COCH: variants seen among roughly 807,000 people sequenced by gnomAD.
The protein encoded by COCH is coagulation factor C homolog, cochlin (Limulus polyphemus).
Under a neutral mutation model 54.8 loss-of-function variants are expected in COCH, and 40 were observed. That is an observed-to-expected ratio of 0.73 (90% CI 0.57 to 0.95). The LOEUF (loss-of-function observed/expected upper bound fraction) is 0.95. COCH is among the 40% of genes least tolerant of loss of function. The probability of loss-of-function intolerance (pLI) is 0.00; values close to 1 mark genes in which losing one functional copy is unlikely to be tolerated. For synonymous variants in COCH, 256 were observed against 237.9 expected, an observed-to-expected ratio of 1.08 and a Z score of -0.70; for missense variants, 605 against 675.0, an observed-to-expected ratio of 0.90 and a Z score of 1.15.
At chr14:30,894,971 A>C, downstream of COCH, 1 of 1,023,766 alleles carries the variant, frequency 9.8e-7, no homozygotes, top group Non-Finnish European at 1.2e-6. Context: ...GATCACTAAG[A>C]GATGAAAAAA....
downstream of COCH, chr14:30,895,312 G>T: frequency 7.9e-7 from 1 of 1,266,890 alleles, no homozygotes; most frequent in Non-Finnish European, 1.1e-6. Context: ...TCACCAGGCA[G>T]ATCACATGTA....
intron 6 of COCH, 127 bp from the exon 7 acceptor site, chr14:30,880,325 G>A (rs1421483987): frequency 1.4e-5 from 20 of 1,403,980 alleles, no homozygotes; most frequent in Admixed American, 2.1e-5. Context: ...AAATCCTGAG[G>A]AAATTAATTT....
chr14:30,877,699 A>G lies in COCH; in HGVS notation c.210A>G (p.Val70=), dbSNP rs560972920. 6 of 1,614,090 alleles carry G rather than the reference A, an allele frequency of 3.7e-6. No individual in the cohort carries two copies. The highest frequency in any genetic ancestry group is 2.2e-5 in the South Asian group (2 of 91,086). ...SVYGNIVYAS[V]SSICGAAVHR... Reference sequence around the variant, plus strand: ...ATGGGAACATAGTATATGCTTCTGTATCGAGCATATGTGGGGCTGCTGTCC... The same window carrying G: ...ATGGGAACATAGTATATGCTTCTGTGTCGAGCATATGTGGGGCTGCTGTCC... Residue 70 remains valine, a synonymous_variant, in exon 4 of 12, where the codon GTA becomes GTG. Coordinates refer to ENST00000396618, the MANE Select transcript of COCH (RefSeq NM_004086.3). The surrounding 1 kb of genome is among the most constrained non-coding windows in gnomAD (Gnocchi z 8.6).
At position 30,886,153 on chromosome 14, in the gene COCH, A is replaced by G. The variant is rs748019236; in HGVS notation, c.1318A>G (p.Met440Val). ...VLAVIRNIRY[M>V]SGGTATGDAI... ...AGCTGTCATCAGAAACATCCGCTAT[A>G]TGAGTGGTGGAACAGCTACTGGTGA... Residue 440 changes from methionine (M) to valine (V), a missense_variant, in exon 11 of 12, where the codon ATG becomes GTG. By Grantham distance (21) the Met-to-Val change is conservative. Coordinates refer to ENST00000396618, the MANE Select transcript of COCH (RefSeq NM_004086.3). The G allele has an allele frequency of 3.7e-6, 6 of 1,611,964 alleles. No homozygotes were observed. Among genetic ancestry groups the G allele is most frequent in the Non-Finnish European group, 4.2e-6 (5 of 1,178,202 alleles).
In COCH at chr14:30,880,503, A is replaced by G. The variant is rs1191342667; in HGVS notation, c.481+7A>G. On this transcript the variant is annotated splice_region_variant and intron_variant, in intron 7 of 11. Transcript: ENST00000396618. ...AAGAAAACTGGCAATAAAGGTAAGAATCAAGATCTCCATTTGGGAAGGTAG... is the reference window on the plus strand; with the variant it reads ...AAGAAAACTGGCAATAAAGGTAAGAGTCAAGATCTCCATTTGGGAAGGTAG... The G allele has an allele frequency of 6.2e-7, 1 of 1,614,176 alleles. No homozygotes were observed. The highest frequency in any genetic ancestry group is 1.7e-5 in the Admixed American group (1 of 60,024).
At chr14:30,885,651 G>A in intron 10 of COCH, 31 bp downstream of exon 10, 1 of 1,480,556 alleles carries the variant, frequency 6.8e-7, no homozygotes, top group Non-Finnish European at 9.5e-7. Context: ...TTCTGTTACA[G>A]TGATGGGTAT....
downstream of COCH, among the ~76,000 whole-genome samples, chr14:30,891,066 C>G (rs1341323547): frequency 4.6e-5 from 7 of 151,696 alleles, no homozygotes; most frequent in Non-Finnish European, 1.5e-5. Context: ...TAAAAAGACA[C>G]AAGTTTATCG....
chr14:30,883,573 A>G (rs2138866333), intron 8 of COCH, among the ~76,000 whole-genome samples: 2 of 152,318 alleles, frequency 1.3e-5, no homozygotes, highest in Admixed American at 1.3e-4. Context: ...TTATGACCCA[A>G]TATTCCATCA....
chr14:30,893,309 G>A (rs961425536), downstream of COCH, among the ~76,000 whole-genome samples: 5 of 151,910 alleles, frequency 3.3e-5, no homozygotes, highest in East Asian at 1.9e-4. Flanking sequence ...ACCACGCCCG[G>A]CTAATTTTGT....
intron 4 of COCH, among the ~76,000 whole-genome samples, chr14:30,878,241 C>T (rs1488172031): frequency 3.3e-5 from 5 of 152,196 alleles, no homozygotes; most frequent in Non-Finnish European, 5.9e-5. Flanking sequence ...TTGTTTGGTG[C>T]TCTGAATTTC....
downstream of COCH, among the ~76,000 whole-genome samples, chr14:30,891,577 T>C (rs778704075): frequency 2.0e-5 from 3 of 152,276 alleles, no homozygotes; most frequent in Non-Finnish European, 2.9e-5. Flanking sequence ...CTGAATCATG[T>C]AACAGGGATA....
At chr14:30,894,580 C>T (rs1379414065), downstream of COCH, 2 of 153,072 alleles carry the variant, frequency 1.3e-5, no homozygotes, top group African/African-American at 2.4e-5. Flanking sequence ...TACTAAACCC[C>T]ACTGTTTCAT....
At chr14:30,886,404 A>G in intron 11 of COCH, 92 bp downstream of exon 11, 3 of 1,341,700 alleles carry the variant, frequency 2.2e-6, no homozygotes, top group Non-Finnish European at 3.1e-6. Flanking sequence ...TATTTCATTA[A>G]ACAAACACCT....
In COCH at chr14:30,889,999, G is replaced by T; in HGVS notation, c.*208G>T. 7.8e-7 allele frequency: 1 copy of T among 1,282,354 alleles called. No homozygotes were observed. The highest frequency in any genetic ancestry group is 9.9e-7 in the Non-Finnish European group (1 of 1,011,996). 79.4% of individuals were successfully genotyped at this position (1,282,354 alleles called of 1,614,324 possible). Reference sequence around the variant, plus strand: ...GTACTTTGTTAAAAACACTGCTGAGGCTTCATAATCATGGCTCTTAGAAAC... The same window carrying T: ...GTACTTTGTTAAAAACACTGCTGAGTCTTCATAATCATGGCTCTTAGAAAC... On this transcript the variant is annotated 3_prime_UTR_variant, in exon 12 of 12. Coordinates refer to ENST00000396618, the MANE Select transcript of COCH (RefSeq NM_004086.3).
downstream of COCH, chr14:30,895,175 C>G (rs1234934074): frequency 6.2e-6 from 3 of 480,738 alleles, no homozygotes; most frequent in Non-Finnish European, 1.1e-5. Flanking sequence ...CAGTTCACAT[C>G]CAGTACAGGC....
At chr14:30,894,822 T>C (rs1451239505), downstream of COCH, 6 of 429,652 alleles carry the variant, frequency 1.4e-5, no homozygotes, top group African/African-American at 6.6e-5. Flanking sequence ...AAAAGACTTA[T>C]AAAAACTAGA....
At chr14:30,878,751 G>A in intron 4 of COCH, 60 bp from the exon 5 acceptor site, 1 of 1,612,650 alleles carries the variant, frequency 6.2e-7, no homozygotes, top group South Asian at 1.1e-5. Flanking sequence ...GGCACTATAA[G>A]TCAGTGGGAT....
chr14:30,894,896 T>TC (rs909793185), downstream of COCH: 11 of 1,008,212 alleles, frequency 1.1e-5, no homozygotes, highest in East Asian at 7.0e-5. Context: ...TCTTTTTCTT[T>TC]TTTTTTTTTT....
At chr14:30,876,905 C>A (rs1319371687) in intron 3 of COCH, among the ~76,000 whole-genome samples, 1 of 151,938 alleles carries the variant, frequency 6.6e-6, no homozygotes, top group Non-Finnish European at 1.5e-5. Flanking sequence ...CTCAAGCAAT[C>A]CTCCCACCTC....
Sources: gnomAD v4.1 joint callset for allele counts (sites outside exome capture counted in the v4.1 genomes callset) on GRCh38, gnomAD v4.1.1 for gene constraint, Gnocchi (gnomAD v3.1) non-coding constraint, MANE v1.5 for transcripts, NCBI Gene and HGNC (gene_info 2026-07-23, HGNC 2026-07-21) for gene names.